The following SPAG16 variants were observed in gnomAD, a reference collection of about 807,000 sequenced individuals.
The protein encoded by SPAG16 is sperm-associated antigen 16 protein.
A neutral mutation model predicts 80.4 loss-of-function variants in SPAG16; 86 were observed. The ratio of observed to expected loss-of-function variants is 1.07; its 90% CI spans 0.90 to 1.28. The LOEUF (loss-of-function observed/expected upper bound fraction) is 1.28. Among genes scored for constraint, SPAG16 ranks in the 50% most tolerant of loss-of-function variants. The pLI is 0.00. For synonymous variants in SPAG16, 294 were observed against 265.9 expected (o/e 1.11, Z -1.03); for missense variants, 870 against 765.3 (o/e 1.14, Z -1.61).
chr2:214,410,120 C>T lies in SPAG16; in HGVS notation c.1721-20C>T, dbSNP rs950290617. ...AAACTTTGATTCATTCTCTCTCTCT[C>T]TCCTCTCTGTCTCCCTCAGGTCGAG... On this transcript the variant is annotated intron_variant, in intron 15 of 15. Transcript: ENST00000331683. 3.7e-6 allele frequency: 6 copies of T among 1,612,412 alleles called. No homozygotes were observed. The South Asian group carries it at 4.4e-5, about 12-fold the overall frequency.
intron 10 of SPAG16, among the ~76,000 whole-genome samples, chr2:213,637,528 T>C (rs957510042): frequency 6.6e-6 from 1 of 152,222 alleles, no homozygotes; most frequent in Non-Finnish European, 1.5e-5. Context: ...CCAATTCTTC[T>C]TTGAATGTCG....
At chr2:213,538,121 A>C (rs1295778352) in intron 10 of SPAG16, among the ~76,000 whole-genome samples, 2 of 152,214 alleles carry the variant, frequency 1.3e-5, no homozygotes, top group African/African-American at 2.4e-5. Flanking sequence ...AAAATGTTCT[A>C]ACAAATTTAA....
At chr2:213,993,659 A>G (rs2046384996) in intron 12 of SPAG16, among the ~76,000 whole-genome samples, 1 of 152,220 alleles carries the variant, frequency 6.6e-6, no homozygotes, top group Non-Finnish European at 1.5e-5. Flanking sequence ...GTGTTTTCTC[A>G]CGTAAAATTC....
chr2:213,361,484 A>G (rs1466856759), intron 7 of SPAG16, among the ~76,000 whole-genome samples: 1 of 151,376 alleles, frequency 6.6e-6, no homozygotes, highest in East Asian at 1.9e-4. Flanking sequence ...CCAGTAATGA[A>G]CATATCCAGT....
At chr2:214,025,960 C>G (rs1050203081) in intron 13 of SPAG16, among the ~76,000 whole-genome samples, 3 of 151,460 alleles carry the variant, frequency 2.0e-5, no homozygotes, top group Non-Finnish European at 4.4e-5. Context: ...GTTTATTTGA[C>G]TACCCAGCAT....
intron 11 of SPAG16, among the ~76,000 whole-genome samples, chr2:213,908,882 C>T (rs1198002052): frequency 6.6e-6 from 1 of 151,568 alleles, no homozygotes; most frequent in Non-Finnish European, 1.5e-5. Context: ...ATTAACTCAT[C>T]ATTTAGCATT....
intron 15 of SPAG16, among the ~76,000 whole-genome samples, chr2:214,156,663 C>T (rs1216325515): frequency 6.6e-6 from 1 of 152,104 alleles, no homozygotes; most frequent in Non-Finnish European, 1.5e-5. Flanking sequence ...GTAGTCCCAG[C>T]TACTCAGGAG....
intron 15 of SPAG16, among the ~76,000 whole-genome samples, chr2:214,317,421 G>A (rs1252863057): frequency 6.6e-6 from 1 of 152,174 alleles, no homozygotes; most frequent in Non-Finnish European, 1.5e-5. Context: ...CCCAAATGGA[G>A]TGAGCACAAC....
At chr2:213,665,129 AT>A (rs1400225210) in intron 10 of SPAG16, among the ~76,000 whole-genome samples, 1 of 152,038 alleles carries the variant, frequency 6.6e-6, no homozygotes, top group African/African-American at 2.4e-5. Flanking sequence ...TGGTTCTCTG[AT>A]GGTATCTTTT....
chr2:214,059,172 G>GTC (rs1320460828), intron 13 of SPAG16, among the ~76,000 whole-genome samples: 6 of 121,774 alleles, frequency 4.9e-5, no homozygotes, highest in African/African-American at 1.6e-4. Context: ...GCAAGACTCT[G>GTC]TCTCTCTCTC....
chr2:213,492,840 T>C (rs2125740263), intron 10 of SPAG16, among the ~76,000 whole-genome samples: 1 of 152,224 alleles, frequency 6.6e-6, no homozygotes, highest in Admixed American at 6.5e-5. Context: ...ATAATGGAAA[T>C]AATATCAATA....
At chr2:214,349,013 C>T (rs1698237325) in intron 15 of SPAG16, among the ~76,000 whole-genome samples, 1 of 152,020 alleles carries the variant, frequency 6.6e-6, no homozygotes, top group African/African-American at 2.4e-5. Context: ...GATCTATTTG[C>T]TTATCCTGAA....
chr2:213,715,258 A>ATCTATCTATCTATCTC (rs1171817139), intron 10 of SPAG16, among the ~76,000 whole-genome samples: 2 of 151,042 alleles, frequency 1.3e-5, no homozygotes, highest in East Asian at 3.9e-4. Context: ...CTATCTATCT[A>ATCTATCTATCTATCTC]TCTATCTATC....
At chr2:213,630,850 C>G (rs1168394838) in intron 10 of SPAG16, among the ~76,000 whole-genome samples, 2 of 152,088 alleles carry the variant, frequency 1.3e-5, no homozygotes, top group African/African-American at 2.4e-5. Flanking sequence ...AACGGTCTAC[C>G]TGGGACATAA....
intron 9 of SPAG16, among the ~76,000 whole-genome samples, chr2:213,429,091 C>CA (rs10710536): frequency 1.2e-3 from 158 of 129,014 alleles, no homozygotes; most frequent in South Asian, 5.5e-3. Context: ...GACTCCATCT[C>CA]AAAAAAAAAA....
intron 10 of SPAG16, among the ~76,000 whole-genome samples, chr2:213,586,049 G>T (rs1322011459): frequency 6.6e-6 from 1 of 152,060 alleles, no homozygotes; most frequent in Non-Finnish European, 1.5e-5. Flanking sequence ...TATTTTTAGA[G>T]ATTACATAAG....
chr2:214,370,025 G>A (rs7420408), intron 15 of SPAG16, among the ~76,000 whole-genome samples: 111,644 of 151,990 alleles, frequency 0.73, 43,170 homozygotes, highest in South Asian at 0.87. Context: ...ATTGGCAAAT[G>A]CTGACCCTTC....
chr2:214,374,454 T>C (rs1313735180), intron 15 of SPAG16, among the ~76,000 whole-genome samples: 1 of 152,180 alleles, frequency 6.6e-6, no homozygotes, highest in Non-Finnish European at 1.5e-5. Context: ...TCATGAAAAA[T>C]AAAAAGTATG....
At chr2:214,042,640 G>A (rs1202198020) in intron 13 of SPAG16, among the ~76,000 whole-genome samples, 7 of 152,098 alleles carry the variant, frequency 4.6e-5, no homozygotes, top group Admixed American at 2.0e-4. Context: ...AAACTTTGGC[G>A]AAGATTTGAA....
Sources: allele counts gnomAD v4.1 joint callset (sites outside exome capture counted in the v4.1 genomes callset), GRCh38; gene constraint gnomAD v4.1.1; transcripts MANE v1.5; gene names NCBI Gene and HGNC (gene_info 2026-07-23, HGNC 2026-07-21).